The following PARP6 variants were observed in gnomAD, a reference collection of about 807,000 sequenced individuals.
The protein encoded by PARP6 is poly(ADP-ribose) polymerase family member 6.
Under a neutral mutation model 92.0 loss-of-function variants are expected in PARP6, and 27 were observed. That is an observed-to-expected ratio of 0.29 (90% CI 0.22 to 0.40). The LOEUF (loss-of-function observed/expected upper bound fraction) is 0.40. PARP6 is among the 10% of genes least tolerant of loss of function. The pLI is 1.00. For missense variants in PARP6, 501 were observed against 784.5 expected (o/e 0.64, Z 4.32); for synonymous variants, 272 against 281.2 (o/e 0.97, Z 0.33).
intron 20 of PARP6, chr15:72,244,718 T>C (rs897218859): frequency 1.3e-5 from 2 of 152,186 alleles, no homozygotes; most frequent in East Asian, 1.9e-4. Context: ...TTGCACACAT[T>C]TCCCCCAACA....
chr15:72,254,364 A>C (rs560511219), intron 15 of PARP6, 91 bp downstream of exon 15: 1 of 902,688 alleles, frequency 1.1e-6, no homozygotes, highest in African/African-American at 1.7e-5. Flanking sequence ...TAGCATCTCT[A>C]AATCTTCATC....
At chr15:72,271,663 A>C (rs1230568973) in intron 1 of PARP6, among the ~76,000 whole-genome samples, 2 of 152,218 alleles carry the variant, frequency 1.3e-5, no homozygotes, top group Non-Finnish European at 2.9e-5. Context: ...ATTACATCTA[A>C]TCTTCATGTG....
At chr15:72,254,352 C>T (rs34382909) in intron 15 of PARP6, 103 bp downstream of exon 15, 4 of 798,462 alleles carry the variant, frequency 5.0e-6, no homozygotes, top group South Asian at 3.0e-5. Flanking sequence ...AAATACAGTG[C>T]GTAGCATCTC....
rs143421035 is a variant in PARP6, at chr15:72,259,794, G to T, written c.757-133C>A. On this transcript the variant is annotated intron_variant, in intron 10 of 23. Transcript: ENST00000569795. ...AGCTCAGAATCCCGAAGCTAGAAAGGAGACTTTTAGACATTTTTGCCAAAG... is the reference window on the plus strand; with the variant it reads ...AGCTCAGAATCCCGAAGCTAGAAAGTAGACTTTTAGACATTTTTGCCAAAG... 7.3e-4 allele frequency: 543 copies of T among 740,646 alleles called. 4 individuals are homozygous for T. The African/African-American group carries it at 9.1e-3, about 12-fold the overall frequency. 45.9% of individuals were successfully genotyped at this position (740,646 alleles called of 1,614,324 possible). A position where few individuals can be genotyped will look rare whatever the true frequency, so the allele number is the denominator to read the frequency against.
At position 72,267,604 on chromosome 15, in the gene PARP6, G is replaced by A. The variant is rs893075137; in HGVS notation, c.-127C>T. The A allele has an allele frequency of 5.1e-5, 49 of 957,578 alleles. No individual in the cohort carries two copies. Among genetic ancestry groups the A allele is most frequent in the Middle Eastern group, 5.3e-4 (2 of 3,774 alleles). The allele number at this position is 957,578 out of a possible 1,614,324, so 59.3% of individuals were successfully genotyped here. On this transcript the variant is annotated 5_prime_UTR_variant, in exon 3 of 24. Coordinates refer to ENST00000569795, the MANE Select transcript of PARP6 (RefSeq NM_001323532.2). The stretch of plus-strand genomic sequence containing the variant: ...AAAGGGAGACAAGGTAGGGCACGAT[G>A]TCAGGGACAACTGGTGATCTGTTGG...
intron 20 of PARP6, among the ~76,000 whole-genome samples, chr15:72,247,284 C>T (rs1195142220): frequency 1.3e-5 from 2 of 152,156 alleles, no homozygotes; most frequent in East Asian, 3.9e-4. Flanking sequence ...AGTGATCTTC[C>T]TGCCTCAGCC....
chr15:72,242,550 TC>T lies in PARP6; in HGVS notation c.1641+69del. 9.5e-7 allele frequency: 1 copy of T among 1,053,154 alleles called. No individual in the cohort carries two copies. Among genetic ancestry groups the T allele is most frequent in the Non-Finnish European group, 1.5e-6 (1 of 670,272 alleles). The allele number at this position is 1,053,154 out of a possible 1,614,324, so 65.2% of individuals were successfully genotyped here. On this transcript the variant is annotated intron_variant, in intron 21 of 23. Transcript: ENST00000569795. This position sits in a 1 kb window ranked among gnomAD's most constrained non-coding sequence, Gnocchi z 4.3. The stretch of plus-strand genomic sequence containing the variant: ...CCCAACCCATTCTCACCCCACTGTT[TC>T]CCTGTCCAGCTCTGGAGCCTAAATT...
At chr15:72,271,866 C>A (rs1597208520) in intron 1 of PARP6, among the ~76,000 whole-genome samples, 1 of 152,192 alleles carries the variant, frequency 6.6e-6, no homozygotes, top group South Asian at 2.1e-4. Flanking sequence ...GAGAATAAGT[C>A]AAATGTAAAT....
In PARP6 at chr15:72,241,996, G is replaced by C. The variant is rs1488721647; in HGVS notation, c.1706-11C>G. 3.7e-6 allele frequency: 6 copies of C among 1,601,816 alleles called. No individual in the cohort carries two copies. In the East Asian group the frequency reaches 1.1e-4, roughly 30 times the overall value. On this transcript the variant is annotated splice_polypyrimidine_tract_variant and intron_variant, in intron 22 of 23. Transcript: ENST00000569795. The surrounding 1 kb of genome is among the most constrained non-coding windows in gnomAD (Gnocchi z 4.1). ...CCTTAGATGTAATCACTGGGAGAAAGAGGGCCAGAAATCATAGATACAATG... is the reference window on the plus strand; with the variant it reads ...CCTTAGATGTAATCACTGGGAGAAACAGGGCCAGAAATCATAGATACAATG...
chr15:72,260,236 G>A (rs888668749), intron 10 of PARP6, among the ~76,000 whole-genome samples: 7 of 152,164 alleles, frequency 4.6e-5, no homozygotes, highest in African/African-American at 1.7e-4. Flanking sequence ...GGAGGATCAT[G>A]AGCCTGGGAG....
intron 20 of PARP6, chr15:72,244,911 G>A: frequency 6.4e-6 from 1 of 155,340 alleles, no homozygotes; most frequent in Non-Finnish European, 1.4e-5. Flanking sequence ...ACATGGCTGG[G>A]GAGGCCTCAC....
At chr15:72,269,658 G>C (rs2087098108) in intron 2 of PARP6, among the ~76,000 whole-genome samples, 1 of 151,932 alleles carries the variant, frequency 6.6e-6, no homozygotes. Context: ...CTAGCACTTT[G>C]TGAGGCCCAG....
rs755672308 is a variant in PARP6 at position 72,265,890 on chromosome 15, G to A, written c.176+7C>T. ...GCTCCCCTGCCACCCCTGAAGTAGAGTCCCACCTGATGGATACAGAGTTCT... is the reference window on the plus strand; with the variant it reads ...GCTCCCCTGCCACCCCTGAAGTAGAATCCCACCTGATGGATACAGAGTTCT... On this transcript the variant is annotated splice_region_variant and intron_variant, in intron 5 of 23. Coordinates refer to ENST00000569795, the MANE Select transcript of PARP6 (RefSeq NM_001323532.2). 4 of 1,596,634 alleles carry A rather than the reference G, an allele frequency of 2.5e-6. No individual in the cohort carries two copies. Among genetic ancestry groups the A allele is most frequent in the Non-Finnish European group, 3.4e-6 (4 of 1,164,092 alleles).
At chr15:72,262,935 A>T (rs1235929631) in intron 8 of PARP6, among the ~76,000 whole-genome samples, 1 of 152,172 alleles carries the variant, frequency 6.6e-6, no homozygotes, top group African/African-American at 2.4e-5. Context: ...GCAATCTCAT[A>T]TTCACTGACT....
At chr15:72,270,149 G>C (rs1163293604) in intron 2 of PARP6, among the ~76,000 whole-genome samples, 3 of 152,236 alleles carry the variant, frequency 2.0e-5, no homozygotes, top group East Asian at 3.9e-4. Flanking sequence ...GAGTCTTCCA[G>C]CTCATAGTGT....
chr15:72,249,213 T>G, intron 20 of PARP6, 32 bp downstream of exon 20: 1 of 1,316,142 alleles, frequency 7.6e-7, no homozygotes, highest in Non-Finnish European at 1.1e-6. Context: ...GCAATGTAAA[T>G]AGAGTCAAGG....
chr15:72,241,597 C>T lies in PARP6; in HGVS notation c.1791-40G>A, dbSNP rs2083065612. The T allele has an allele frequency of 7.1e-7, 1 of 1,415,330 alleles. No homozygotes were observed. The highest frequency in any genetic ancestry group is 1.0e-6 in the Non-Finnish European group (1 of 998,924). 87.7% of individuals were successfully genotyped at this position (1,415,330 alleles called of 1,614,324 possible). A position where few individuals can be genotyped will look rare whatever the true frequency, so the allele number is the denominator to read the frequency against. On this transcript the variant is annotated intron_variant, in intron 23 of 23. Transcript: ENST00000569795. This position sits in a 1 kb window ranked among gnomAD's most constrained non-coding sequence, Gnocchi z 4.1. Reference sequence around the variant, plus strand: ...GCAAGTGTGAGCATAAGAGGGAGAACAATACCAGAATAACATCAATCAGTG... The same window carrying T: ...GCAAGTGTGAGCATAAGAGGGAGAATAATACCAGAATAACATCAATCAGTG...
At chr15:72,257,179 T>C (rs1428835456) in intron 13 of PARP6, among the ~76,000 whole-genome samples, 169 bp downstream of exon 13, 1 of 152,246 alleles carries the variant, frequency 6.6e-6, no homozygotes, top group Non-Finnish European at 1.5e-5. Flanking sequence ...TTTCTTTAAC[T>C]GGAGCCCCTA....
chr15:72,263,220 T>C (rs1190099152), intron 8 of PARP6, among the ~76,000 whole-genome samples: 1 of 152,256 alleles, frequency 6.6e-6, no homozygotes, highest in Non-Finnish European at 1.5e-5. Flanking sequence ...TATTTTCCAC[T>C]ACTCTTTGGC....
Sources: allele counts gnomAD v4.1 joint callset (sites outside exome capture counted in the v4.1 genomes callset), GRCh38; gene constraint gnomAD v4.1.1; non-coding constraint Gnocchi (gnomAD v3.1); transcripts MANE v1.5; gene names NCBI Gene and HGNC (gene_info 2026-07-23, HGNC 2026-07-21).